KCTD1: variants seen among roughly 807,000 people sequenced by gnomAD.
KCTD1 encodes the protein potassium channel tetramerization domain containing 1.
A neutral mutation model predicts 66.0 loss-of-function variants in KCTD1; 24 were observed. The observed-to-expected ratio is 0.36, with a 90% confidence interval of 0.26 to 0.51. The LOEUF (loss-of-function observed/expected upper bound fraction) is 0.51. KCTD1 is among the 20% of genes least tolerant of loss of function. The pLI, the probability that KCTD1 is intolerant of heterozygous loss-of-function variation, is 0.95. For synonymous variants in KCTD1, 511 were observed against 517.2 expected (o/e 0.99, Z 0.16); for missense variants, 943 against 1,205.2 (o/e 0.78, Z 3.22).
intron 1 of KCTD1, among the ~76,000 whole-genome samples, chr18:26,592,091 T>C (rs909613473): frequency 3.3e-5 from 5 of 152,188 alleles, no homozygotes; most frequent in Admixed American, 2.6e-4. Context: ...TTCATGAAAG[T>C]CTTTACCATG....
intron 1 of KCTD1, among the ~76,000 whole-genome samples, chr18:26,583,758 T>C (rs1161312043): frequency 6.6e-6 from 1 of 152,236 alleles, no homozygotes; most frequent in East Asian, 1.9e-4. Flanking sequence ...AACAGGTGTT[T>C]TAGGAAATTT....
At chr18:26,651,465 G>A (rs1255390995) in intron 1 of KCTD1, among the ~76,000 whole-genome samples, 1 of 152,138 alleles carries the variant, frequency 6.6e-6, no homozygotes, top group African/African-American at 2.4e-5. Context: ...GGGGAACACT[G>A]ATGGAAGAGT....
rs564960544 is a variant in KCTD1 at position 26,568,174 on chromosome 18, G to A, written c.-16+60973C>T. Among the ~76,000 whole-genome samples the A allele has an allele frequency of 5.9e-5, 9 of 152,276 alleles. No individual in the cohort carries two copies. The South Asian group carries it at 1.5e-3, about 25-fold the overall frequency. The stretch of plus-strand genomic sequence containing the variant: ...AAAGTAATATAAGTGGAATTATCAC[G>A]AGGGAAAGAGTGGAGTAGTTAACAA... On this transcript the variant is annotated intron_variant, in intron 1 of 4. Coordinates refer to the KCTD1 transcript ENST00000317932.
At chr18:26,647,336 C>CCT (rs1555649528) in intron 1 of KCTD1, among the ~76,000 whole-genome samples, 2 of 146,700 alleles carry the variant, frequency 1.4e-5, no homozygotes, top group Admixed American at 6.8e-5. Context: ...GTGAAACCCC[C>CCT]CCCCCATCTC....
intron 1 of KCTD1, among the ~76,000 whole-genome samples, chr18:26,522,401 G>A (rs1476780162): frequency 6.6e-6 from 1 of 152,162 alleles, no homozygotes; most frequent in Non-Finnish European, 1.5e-5. Context: ...GAAGAATCAT[G>A]AAACAGATTC....
chr18:26,641,722 C>T (rs778804148), upstream of KCTD1, among the ~76,000 whole-genome samples: 2 of 152,070 alleles, frequency 1.3e-5, no homozygotes, highest in East Asian at 1.9e-4. Flanking sequence ...TGTTCCATGC[C>T]CCTTCTTTAG....
rs1598868709 is a variant in KCTD1, at chr18:26,456,202, C to A, written c.2440-301G>T. On this transcript the variant is annotated intron_variant, in intron 4 of 4. Coordinates refer to ENST00000580059, the MANE Select transcript of KCTD1 (RefSeq NM_001142730.3). ...GGTTCATGGCTAGTCAGTGATGGGA[C>A]TGGGTTTCCAACTCAGGTCTGTTTG... is the stretch of plus-strand genomic sequence containing the variant. 3 of 261,422 alleles carry A rather than the reference C, an allele frequency of 1.1e-5. No individual in the cohort carries two copies. In the East Asian group the frequency reaches 2.2e-4, roughly 19 times the overall value. The allele number at this position is 261,422 out of a possible 1,614,324, so 16.2% of individuals were successfully genotyped here.
intron 1 of KCTD1, among the ~76,000 whole-genome samples, chr18:26,503,092 G>A (rs776631088): frequency 9.9e-5 from 15 of 152,154 alleles, no homozygotes; most frequent in Admixed American, 2.6e-4. Flanking sequence ...TGTGTTGTGC[G>A]TTTCTACATG....
At chr18:26,649,706 C>G (rs1987993905) in intron 1 of KCTD1, among the ~76,000 whole-genome samples, 1 of 152,152 alleles carries the variant, frequency 6.6e-6, no homozygotes, top group South Asian at 2.1e-4. Context: ...GATGGGGTTT[C>G]ACCATGTTGG....
At chr18:26,649,471 C>T (rs368837594) in intron 1 of KCTD1, among the ~76,000 whole-genome samples, 3 of 152,012 alleles carry the variant, frequency 2.0e-5, no homozygotes, top group Admixed American at 6.5e-5. Context: ...CGTTGAGCCT[C>T]GGTTGTTTCG....
At position 26,468,554 on chromosome 18, in the gene KCTD1, G is replaced by A. The variant is rs531402440; in HGVS notation, c.2133+7961C>T. Among the ~76,000 whole-genome samples the A allele has an allele frequency of 1.3e-5, 2 of 152,128 alleles. No individual in the cohort carries two copies. The highest frequency in any genetic ancestry group is 1.9e-4 in the East Asian group (1 of 5,196). On this transcript the variant is annotated intron_variant, in intron 3 of 4. Coordinates refer to ENST00000580059, the MANE Select transcript of KCTD1 (RefSeq NM_001142730.3). This position sits in a 1 kb window ranked among gnomAD's most constrained non-coding sequence, Gnocchi z 4.8. ...TCATGCAAAAAACCATGTCCTGGCC[G>A]GGCGCGGTGGCTCACACCTATAATC...
At chr18:26,639,215 C>A (rs890351876) in intron 1 of KCTD1, among the ~76,000 whole-genome samples, 1 of 152,108 alleles carries the variant, frequency 6.6e-6, no homozygotes, top group Admixed American at 6.5e-5. Context: ...AGAATCTCTG[C>A]GAAGTAAGGA....
chr18:26,600,136 G>C (rs1986856147), intron 1 of KCTD1: 3 of 1,609,196 alleles, frequency 1.9e-6, no homozygotes, highest in South Asian at 1.1e-5. Flanking sequence ...AAAGAGGAAG[G>C]CCTGTAAGAA....
intron 1 of KCTD1, among the ~76,000 whole-genome samples, chr18:26,534,890 C>T (rs1984614959): frequency 6.6e-6 from 1 of 152,204 alleles, no homozygotes; most frequent in Admixed American, 6.5e-5. Context: ...GTCTTTTCCT[C>T]ATTTTCCCTT....
chr18:26,534,012 A>C (rs543595942), intron 1 of KCTD1, among the ~76,000 whole-genome samples: 2 of 152,170 alleles, frequency 1.3e-5, no homozygotes, highest in East Asian at 3.8e-4. Flanking sequence ...AATGAAAATT[A>C]TAAATAAAAA....
At chr18:26,649,631 C>T (rs900890390) in intron 1 of KCTD1, among the ~76,000 whole-genome samples, 1 of 152,198 alleles carries the variant, frequency 6.6e-6, no homozygotes, top group Non-Finnish European at 1.5e-5. Context: ...GCCCCAGCCT[C>T]CCGAGTAGCT....
chr18:26,632,942 G>A (rs1987652760), upstream of KCTD1, among the ~76,000 whole-genome samples: 1 of 152,034 alleles, frequency 6.6e-6, no homozygotes, highest in Non-Finnish European at 1.5e-5. Flanking sequence ...GAGGGGGTAA[G>A]GAGGGGAAGG....
chr18:26,499,902 G>C (rs539527924), intron 2 of KCTD1, among the ~76,000 whole-genome samples: 4 of 152,310 alleles, frequency 2.6e-5, no homozygotes, highest in African/African-American at 9.6e-5. Flanking sequence ...TACAGGATCT[G>C]GACATAGCCC....
rs768912901 is a variant in KCTD1 at position 26,476,477 on chromosome 18, A to G, written c.2133+38T>C. On this transcript the variant is annotated intron_variant, in intron 3 of 4. Coordinates refer to ENST00000580059, the MANE Select transcript of KCTD1 (RefSeq NM_001142730.3). This position sits in a 1 kb window ranked among gnomAD's most constrained non-coding sequence, Gnocchi z 4.9. ...TTTTTGGAGCACATAAAAAAATCAC[A>G]TATTTATGCTATTGGTGATTTAACA... 2 of 1,567,062 alleles carry G rather than the reference A, an allele frequency of 1.3e-6. No individual in the cohort carries two copies. The highest frequency in any genetic ancestry group is 2.4e-5 in the South Asian group (2 of 84,014).
Sources: allele counts gnomAD v4.1 joint callset (sites outside exome capture counted in the v4.1 genomes callset), GRCh38; gene constraint gnomAD v4.1.1; non-coding constraint Gnocchi (gnomAD v3.1); transcripts MANE v1.5; gene names NCBI Gene and HGNC (gene_info 2026-07-23, HGNC 2026-07-21).